The following DYRK1A variants were observed in gnomAD, a reference collection of about 807,000 sequenced individuals.
The protein encoded by DYRK1A is dual specificity tyrosine phosphorylation regulated kinase 1A, also known as dual specificity tyrosine-phosphorylation-regulated kinase 1A.
A neutral mutation model predicts 79.7 loss-of-function variants in DYRK1A; 9 were observed. The ratio of observed to expected loss-of-function variants is 0.11; its 90% CI spans 0.07 to 0.20. The LOEUF is 0.20. Among genes scored for constraint, DYRK1A ranks in the 10% least tolerant of loss-of-function variants. The pLI is 1.00. For synonymous variants in DYRK1A, 349 were observed against 329.7 expected (o/e 1.06, Z -0.63); for missense variants, 622 against 956.0 (o/e 0.65, Z 4.61).
chr21:37,369,326 C>G (rs2049383298), intron 1 of DYRK1A, among the ~76,000 whole-genome samples: 1 of 152,100 alleles, frequency 6.6e-6, no homozygotes, highest in South Asian at 2.1e-4. Context: ...AAATGTGAGA[C>G]CAGAACTAAA....
intron 2 of DYRK1A, among the ~76,000 whole-genome samples, chr21:37,429,984 G>A (rs989717593): frequency 3.3e-5 from 5 of 152,120 alleles, no homozygotes; most frequent in Non-Finnish European, 5.9e-5. Context: ...AAACCAGATA[G>A]CTCTCAGTGC....
In DYRK1A at chr21:37,515,104, ATGAAAAAAGAACCCCCCTT is replaced by A. The variant is rs1173321469; in HGVS notation, c.*2576_*2594del. 2.6e-5 allele frequency: 4 copies of A among 152,648 alleles called. No homozygotes were observed. The highest frequency in any genetic ancestry group is 5.9e-5 in the Non-Finnish European group (4 of 68,042). The allele number at this position is 152,648 out of a possible 1,614,324, so 9.5% of individuals were successfully genotyped here. A position where few individuals can be genotyped will look rare whatever the true frequency, so the allele number is the denominator to read the frequency against. The stretch of plus-strand genomic sequence containing the variant: ...CTTGCTGTGTATATTGTAACGTTAA[ATGAAAAAAGAACCCCCCTT>A]TGTATTATAGTCATGCGGTCTTATG... On this transcript the variant is annotated 3_prime_UTR_variant, in exon 12 of 12. Transcript: ENST00000647188.
At chr21:37,509,872 T>G (rs961253099) in intron 11 of DYRK1A, among the ~76,000 whole-genome samples, 6 of 152,184 alleles carry the variant, frequency 3.9e-5, no homozygotes, top group African/African-American at 1.4e-4. Context: ...AAATATAAAG[T>G]GGAAAATTTC....
At chr21:37,479,266 C>T (rs975300134) in intron 4 of DYRK1A, among the ~76,000 whole-genome samples, 4 of 152,134 alleles carry the variant, frequency 2.6e-5, no homozygotes, top group Admixed American at 6.6e-5. Context: ...AGATTTTGTA[C>T]ACATTTATAT....
chr21:37,417,516 TC>T (rs2148422587), intron 1 of DYRK1A, among the ~76,000 whole-genome samples: 1 of 70,630 alleles, frequency 1.4e-5, no homozygotes, highest in Admixed American at 1.7e-4. Context: ...CTTTTCTTTT[TC>T]TTTTTCTTTT....
At chr21:37,441,760 C>T (rs1006164197) in intron 2 of DYRK1A, among the ~76,000 whole-genome samples, 1 of 152,072 alleles carries the variant, frequency 6.6e-6, no homozygotes, top group African/African-American at 2.4e-5. Flanking sequence ...ATTGTTTAAA[C>T]ACTTAGATTT....
intron 1 of DYRK1A, among the ~76,000 whole-genome samples, chr21:37,402,379 T>C (rs1353035622): frequency 6.6e-6 from 1 of 152,202 alleles, no homozygotes; most frequent in African/African-American, 2.4e-5. Flanking sequence ...TTTCACTGAA[T>C]GTAGAATTCT....
At chr21:37,509,066 T>C (rs780593418) in intron 11 of DYRK1A, among the ~76,000 whole-genome samples, 28 of 152,360 alleles carry the variant, frequency 1.8e-4, no homozygotes, top group Middle Eastern at 3.4e-3. Flanking sequence ...GTGGTTGATA[T>C]AGTCACATGG....
chr21:37,479,619 G>GTT lies in DYRK1A; in HGVS notation c.301-1003_301-1002dup, dbSNP rs565080496. Among the ~76,000 whole-genome samples the GTT allele has an allele frequency of 2.4e-3, 174 of 73,888 alleles. 12 individuals are homozygous for GTT. The East Asian group carries it at 0.031, about 13-fold the overall frequency. The allele number at this position is 73,888 out of a possible 152,430, so 48.5% of individuals were successfully genotyped here. A position where few individuals can be genotyped will look rare whatever the true frequency, so the allele number is the denominator to read the frequency against. ...GTTTTTGTTTTTGTTTTTGTTTTTT[G>GTT]TTTTTTTTTTTTTTTTTGGAGACAG... On this transcript the variant is annotated intron_variant, in intron 4 of 11. Coordinates refer to ENST00000647188, the MANE Select transcript of DYRK1A (RefSeq NM_001347721.2).
chr21:37,414,660 G>A (rs1162034937), intron 1 of DYRK1A, among the ~76,000 whole-genome samples: 2 of 152,156 alleles, frequency 1.3e-5, no homozygotes, highest in African/African-American at 2.4e-5. Flanking sequence ...TTAGAAATGA[G>A]CCTTTGGAAC....
intron 1 of DYRK1A, among the ~76,000 whole-genome samples, chr21:37,383,444 C>G (rs914286100): frequency 6.6e-6 from 1 of 152,146 alleles, no homozygotes; most frequent in South Asian, 2.1e-4. Context: ...TTAAACAAAG[C>G]CAGAGCCAGT....
In DYRK1A at chr21:37,505,377, C is replaced by T. The variant is rs759524625; in HGVS notation, c.1307C>T (p.Thr436Met). Reference protein sequence around the residue: ...GGRRAGESGHTVADYLKFKDL... With the variant: ...GGRRAGESGHMVADYLKFKDL... Reference sequence around the variant, plus strand: ...CGACGTGCTGGGGAGTCAGGTCATACGGTCGCTGACTACTTGAAGTTCAAA... The same window carrying T: ...CGACGTGCTGGGGAGTCAGGTCATATGGTCGCTGACTACTTGAAGTTCAAA... The change falls in exon 10 of 12, where the codon ACG becomes ATG. Residue 436 changes from threonine to methionine, a missense_variant. By Grantham distance (81) the Thr-to-Met change is moderately conservative. Transcript: ENST00000647188. The T allele has an allele frequency of 3.7e-6, 6 of 1,613,972 alleles. No homozygotes were observed. The highest frequency in any genetic ancestry group is 1.7e-5 in the Admixed American group (1 of 59,986).
intron 1 of DYRK1A, among the ~76,000 whole-genome samples, chr21:37,368,506 A>G (rs2049363757): frequency 6.6e-6 from 1 of 152,168 alleles, no homozygotes; most frequent in African/African-American, 2.4e-5. Context: ...GGTGACACGA[A>G]TCCCATAATC....
intron 2 of DYRK1A, among the ~76,000 whole-genome samples, chr21:37,436,709 A>G (rs916803111): frequency 1.3e-5 from 2 of 152,220 alleles, no homozygotes; most frequent in African/African-American, 2.4e-5. Context: ...ACAGACTAGT[A>G]AAGAATGAAA....
At chr21:37,383,906 A>G (rs891696272) in intron 1 of DYRK1A, among the ~76,000 whole-genome samples, 1 of 152,046 alleles carries the variant, frequency 6.6e-6, no homozygotes, top group Admixed American at 6.6e-5. Context: ...GTCAGGAATC[A>G]TGGCTTCTGC....
chr21:37,472,902 A>T (rs764519551), intron 3 of DYRK1A, 22 bp downstream of exon 3: 1 of 1,478,348 alleles, frequency 6.8e-7, no homozygotes, highest in African/African-American at 1.4e-5. Flanking sequence ...GAGTATCAGA[A>T]ATGACTATTG....
chr21:37,461,231 T>G (rs538635154), intron 2 of DYRK1A, among the ~76,000 whole-genome samples: 71 of 150,842 alleles, frequency 4.7e-4, no homozygotes, highest in African/African-American at 1.6e-3. Context: ...ATAGGTAGTA[T>G]TTCATTTTAT....
At chr21:37,433,176 A>G (rs995143677) in intron 2 of DYRK1A, among the ~76,000 whole-genome samples, 7 of 152,006 alleles carry the variant, frequency 4.6e-5, no homozygotes, top group Non-Finnish European at 2.9e-5. Context: ...CCATAATTTA[A>G]GTAACTTTAA....
intron 1 of DYRK1A, among the ~76,000 whole-genome samples, chr21:37,382,647 C>T (rs922433416): frequency 6.6e-6 from 1 of 152,156 alleles, no homozygotes; most frequent in Non-Finnish European, 1.5e-5. Flanking sequence ...AGTTTCTCCT[C>T]TTAAAAAGCA....
Sources: gnomAD v4.1 joint callset for allele counts (sites outside exome capture counted in the v4.1 genomes callset) on GRCh38, gnomAD v4.1.1 for gene constraint, MANE v1.5 for transcripts, NCBI Gene and HGNC (gene_info 2026-07-23, HGNC 2026-07-21) for gene names.